MIA2: variants seen among roughly 807,000 people sequenced by gnomAD.
MIA2 encodes melanoma inhibitory activity protein 2.
MIA2 carries 127 observed loss-of-function variants against 167.8 expected under a neutral mutation model. The observed-to-expected ratio is 0.76, with a 90% CI of 0.66 to 0.88. The LOEUF (loss-of-function observed/expected upper bound fraction) is 0.88. Ranked by LOEUF, MIA2 falls within the 40% of genes least tolerant of loss-of-function variation. The probability of loss-of-function intolerance (pLI) is 0.00; values close to 1 mark genes in which losing one functional copy is unlikely to be tolerated. For synonymous variants in MIA2, 552 were observed against 541.9 expected, an observed-to-expected ratio of 1.02 and a Z score of -0.26; for missense variants, 1,690 against 1,624.7, an observed-to-expected ratio of 1.04 and a Z score of -0.69.
intron 18 of MIA2, among the ~76,000 whole-genome samples, chr14:39,311,458 A>C (rs368134161): frequency 0.016 from 2,048 of 124,712 alleles, 52 homozygotes; most frequent in African/African-American, 0.048. Context: ...TAGAAGCTTG[A>C]TGTGTTGCTT....
At position 39,338,640 on chromosome 14, in the gene MIA2, C is replaced by A. The variant is rs530303368; in HGVS notation, c.3656-7264C>A. The stretch of plus-strand genomic sequence containing the variant: ...AACAGAAATATGTCCTGGGAATAAC[C>A]AGTTCATTATAAATTCTTTATAAAT... On this transcript the variant is annotated intron_variant, in intron 25 of 28. Coordinates refer to ENST00000640607, the MANE Select transcript of MIA2 (RefSeq NM_001329214.4). 8.5e-4 allele frequency among the ~76,000 whole-genome samples: 129 copies of A among 152,194 alleles called. 2 individuals are homozygous for A. Among genetic ancestry groups the A allele is most frequent in the Admixed American group, 7.7e-3 (117 of 15,270 alleles).
intron 23 of MIA2, among the ~76,000 whole-genome samples, chr14:39,356,864 G>A (rs2074541754): frequency 6.6e-6 from 1 of 152,206 alleles, no homozygotes; most frequent in Non-Finnish European, 1.5e-5. Context: ...GAGCAGTTTT[G>A]AGTGAGTTTC....
intron 23 of MIA2, chr14:39,370,733 C>A (rs1179050182): frequency 6.1e-6 from 1 of 164,810 alleles, no homozygotes; most frequent in Non-Finnish European, 1.3e-5. Context: ...CACAATGGCC[C>A]AGGCCCTCGA....
intron 23 of MIA2, chr14:39,370,589 G>A (rs2074918818): frequency 8.2e-6 from 3 of 363,822 alleles, no homozygotes; most frequent in South Asian, 4.6e-5. Flanking sequence ...GGCTGCTCCG[G>A]CATCCTCTTG....
downstream of MIA2, among the ~76,000 whole-genome samples, chr14:39,355,993 G>A (rs985746392): frequency 2.0e-5 from 3 of 152,138 alleles, no homozygotes; most frequent in Admixed American, 6.6e-5. Flanking sequence ...ATGTTCATCA[G>A]GGATATTGGT....
At position 39,350,595 on chromosome 14, in the gene MIA2, T is replaced by C. The variant is rs2074283364; in HGVS notation, c.*331T>C. Reference sequence around the variant, plus strand: ...TGCCAAGAACTGTATTTACTGTGGTTGTGGACAAATGTGAAAGTAACTTTA... The same window carrying C: ...TGCCAAGAACTGTATTTACTGTGGTCGTGGACAAATGTGAAAGTAACTTTA... On this transcript the variant is annotated 3_prime_UTR_variant, in exon 29 of 29. Coordinates refer to ENST00000640607, the MANE Select transcript of MIA2 (RefSeq NM_001329214.4). 4.8e-6 allele frequency: 1 copy of C among 209,354 alleles called. No homozygotes were observed. The highest frequency in any genetic ancestry group is 2.3e-5 in the African/African-American group (1 of 43,790). The allele number at this position is 209,354 out of a possible 1,614,324, so 13.0% of individuals were successfully genotyped here. A position where few individuals can be genotyped will look rare whatever the true frequency, so the allele number is the denominator to read the frequency against.
intron 6 of MIA2, among the ~76,000 whole-genome samples, chr14:39,256,566 A>G (rs1262652351): frequency 6.6e-6 from 1 of 152,162 alleles, no homozygotes; most frequent in Non-Finnish European, 1.5e-5. Context: ...GCAATGGAAA[A>G]TTAAAGGAGG....
chr14:39,354,014 G>A (rs564695868), downstream of MIA2, among the ~76,000 whole-genome samples: 38 of 152,266 alleles, frequency 2.5e-4, no homozygotes, highest in Middle Eastern at 0.01. Context: ...GAATAGTGCC[G>A]CAGTAAACAT....
At chr14:39,318,218 T>A (rs1276983910) in intron 22 of MIA2, among the ~76,000 whole-genome samples, 2 of 152,194 alleles carry the variant, frequency 1.3e-5, no homozygotes, top group Non-Finnish European at 2.9e-5. Context: ...AGGAAACTGT[T>A]AACAGATTAT....
chr14:39,234,078 T>C lies in MIA2; in HGVS notation c.-37T>C, dbSNP rs2053626146. On this transcript the variant is annotated 5_prime_UTR_variant, in exon 1 of 29. Transcript: ENST00000640607. ...ATCTCTACAACCTGAACAATTGGCT[T>C]AAACTTCACTTGGGATTCCCGGTTG... 1 of 1,401,100 alleles carries C rather than the reference T, an allele frequency of 7.1e-7. No individual in the cohort carries two copies. Among genetic ancestry groups the C allele is most frequent in the Non-Finnish European group, 1.0e-6 (1 of 999,580 alleles). The allele number at this position is 1,401,100 out of a possible 1,614,324, so 86.8% of individuals were successfully genotyped here. A position where few individuals can be genotyped will look rare whatever the true frequency, so the allele number is the denominator to read the frequency against.
Position 39,299,853 on chromosome 14 carries a change from T to C in MIA2, c.2497-11T>C. Reference sequence around the variant, plus strand: ...TGTGATGAGTTGCATTTTTAAAATTTTCATTTTCAGCTTTTGCAAGAAGCT... The same window carrying C: ...TGTGATGAGTTGCATTTTTAAAATTCTCATTTTCAGCTTTTGCAAGAAGCT... On this transcript the variant is annotated splice_polypyrimidine_tract_variant and intron_variant, in intron 13 of 28. Coordinates refer to ENST00000640607, the MANE Select transcript of MIA2 (RefSeq NM_001329214.4). 2 of 1,596,638 alleles carry C rather than the reference T, an allele frequency of 1.3e-6. No individual in the cohort carries two copies. Among genetic ancestry groups the C allele is most frequent in the East Asian group, 2.3e-5 (1 of 44,292 alleles).
intron 6 of MIA2, among the ~76,000 whole-genome samples, chr14:39,254,912 C>T (rs2054747799): frequency 6.6e-6 from 1 of 152,146 alleles, no homozygotes; most frequent in Non-Finnish European, 1.5e-5. Context: ...GATTTAATGA[C>T]TGACTGAATG....
intron 17 of MIA2, among the ~76,000 whole-genome samples, chr14:39,304,928 T>A (rs1198574556): frequency 6.6e-6 from 1 of 152,168 alleles, no homozygotes; most frequent in Non-Finnish European, 1.5e-5. Context: ...GTTTGAAAAT[T>A]TTTAAAGTTG....
chr14:39,236,739 C>G (rs1043293579), intron 1 of MIA2, among the ~76,000 whole-genome samples, 183 bp from the exon 2 acceptor site: 9 of 152,058 alleles, frequency 5.9e-5, no homozygotes, highest in Admixed American at 2.6e-4. Flanking sequence ...GGATACCAGG[C>G]CCAGAGGCTT....
rs543782034 is a variant in MIA2 at position 39,280,415 on chromosome 14, G to A, written c.2130+878G>A. 3.9e-5 allele frequency among the ~76,000 whole-genome samples: 6 copies of A among 152,036 alleles called. No homozygotes were observed. In the East Asian group the frequency reaches 9.7e-4, roughly 24 times the overall value. On this transcript the variant is annotated intron_variant, in intron 9 of 28. Coordinates refer to ENST00000640607, the MANE Select transcript of MIA2 (RefSeq NM_001329214.4). ...GAATTGGTAAGTCATTAGGGCATTAGGGCAGGTATAGTTTAACTGTGTAAG... is the reference window on the plus strand; with the variant it reads ...GAATTGGTAAGTCATTAGGGCATTAAGGCAGGTATAGTTTAACTGTGTAAG...
At chr14:39,287,336 A>T (rs9671943) in intron 9 of MIA2, among the ~76,000 whole-genome samples, 41,016 of 151,882 alleles carry the variant, frequency 0.27, 5,732 homozygotes, top group East Asian at 0.5. Context: ...CAGCCTCCCA[A>T]AGTGCTGGGA....
In MIA2 at chr14:39,321,042, G is replaced by A. The variant is rs537064251; in HGVS notation, c.3482G>A (p.Gly1161Glu). The A allele has an allele frequency of 1.9e-6, 3 of 1,612,716 alleles. No homozygotes were observed. The East Asian group carries it at 6.7e-5, about 36-fold the overall frequency. ...GPLRLSPLLP[G>E]GGGRGSRGPG... ...CTCAGACTCTCACCTTTGCTTCCAG[G>A]GGGAGGAGGAAGAGGTATATTGTTT... The change falls in exon 24 of 29, where the codon GGG becomes GAG. Residue 1161 changes from glycine to glutamate, a missense_variant. By Grantham distance (98) the Gly-to-Glu change is moderately conservative (BLOSUM62 -2). Transcript: ENST00000640607.
At chr14:39,253,309 A>G in intron 6 of MIA2, 138 bp downstream of exon 6, 1 of 1,127,246 alleles carries the variant, frequency 8.9e-7, no homozygotes, top group Non-Finnish European at 1.3e-6. Flanking sequence ...TCTTACCTGT[A>G]AGATTTCTCT....
chr14:39,299,239 C>T (rs2061998955), intron 13 of MIA2, among the ~76,000 whole-genome samples: 1 of 148,966 alleles, frequency 6.7e-6, no homozygotes, highest in Non-Finnish European at 1.5e-5. Flanking sequence ...CTTTCCTTTC[C>T]TGTAAAAGTA....
Sources: gnomAD v4.1 joint callset for allele counts (sites outside exome capture counted in the v4.1 genomes callset) on GRCh38, gnomAD v4.1.1 for gene constraint, MANE v1.5 for transcripts, NCBI Gene and HGNC (gene_info 2026-07-23, HGNC 2026-07-21) for gene names.